Variants in ARHGAP5 observed in about 807,000 individuals in gnomAD.
ARHGAP5 encodes rho GTPase-activating protein 5.
ARHGAP5 carries 23 observed loss-of-function variants against 116.6 expected under a neutral mutation model. That is an observed-to-expected ratio of 0.20 (90% CI 0.14 to 0.28). The LOEUF (loss-of-function observed/expected upper bound fraction) is 0.28, where lower values mean the gene tolerates loss of function less well. Among genes scored for constraint, ARHGAP5 ranks in the 10% least tolerant of loss-of-function variants. ARHGAP5 has a pLI of 1.00. For synonymous variants in ARHGAP5, 574 were observed against 602.0 expected, an observed-to-expected ratio of 0.95 and a Z score of 0.68; for missense variants, 1,405 against 1,774.8, an observed-to-expected ratio of 0.79 and a Z score of 3.74.
At chr14:32,121,518 A>G (rs1879889253) in intron 3 of ARHGAP5, among the ~76,000 whole-genome samples, 1 of 152,158 alleles carries the variant, frequency 6.6e-6, no homozygotes. Flanking sequence ...ATCACCATAC[A>G]TGTTTATAAT....
rs186340738 is a variant in ARHGAP5, at chr14:32,130,986, A to G, written c.3865+13699A>G. Among the ~76,000 whole-genome samples the G allele has an allele frequency of 1.5e-3, 236 of 152,338 alleles. 2 individuals are homozygous for G. Among genetic ancestry groups the G allele is most frequent in the East Asian group, 1.5e-3 (8 of 5,196 alleles). On this transcript the variant is annotated intron_variant, in intron 3 of 6. Coordinates refer to ENST00000345122, the MANE Select transcript of ARHGAP5 (RefSeq NM_001030055.2). ...TTGGGAGGCTGGTGGGAGGTGCTGA[A>G]CAATGTGAAATTCAGTTAAAAACGG...
At chr14:32,150,142 A>G in intron 5 of ARHGAP5, 109 bp downstream of exon 5, 1 of 894,086 alleles carries the variant, frequency 1.1e-6, no homozygotes, top group Non-Finnish European at 1.6e-6. Context: ...AATAAAAATT[A>G]ACTTAACTAG....
chr14:32,153,750 C>T (rs1046451103), intron 6 of ARHGAP5, among the ~76,000 whole-genome samples: 31 of 151,886 alleles, frequency 2.0e-4, no homozygotes, highest in African/African-American at 7.5e-4. Context: ...GGGTTACAGG[C>T]GTGATCTACC....
At position 32,086,553 on chromosome 14, in the gene ARHGAP5, A is replaced by G. The variant is rs1055367200; in HGVS notation, c.-168-3949A>G. ...AAGGATATATTTTAAAGATAGGACC[A>G]TTAGGAATTTCCTGACATGGTATAA... On this transcript the variant is annotated intron_variant, in intron 1 of 6. Coordinates refer to ENST00000345122, the MANE Select transcript of ARHGAP5 (RefSeq NM_001030055.2). 2.1e-4 allele frequency among the ~76,000 whole-genome samples: 31 copies of G among 150,864 alleles called. 1 individual carries two copies. Among genetic ancestry groups the G allele is most frequent in the African/African-American group, 6.7e-4 (27 of 40,160 alleles).
At chr14:32,118,937 A>C (rs1381128057) in intron 3 of ARHGAP5, among the ~76,000 whole-genome samples, 2 of 152,162 alleles carry the variant, frequency 1.3e-5, no homozygotes, top group African/African-American at 2.4e-5. Context: ...GAGGAAAATA[A>C]ATGAATTCCA....
chr14:32,134,434 A>G (rs539647637), intron 3 of ARHGAP5, among the ~76,000 whole-genome samples: 213 of 152,316 alleles, frequency 1.4e-3, no homozygotes, highest in African/African-American at 4.6e-3. Flanking sequence ...AATGTCAAGT[A>G]TCACCGCAAA....
chr14:32,153,406 CAAAAAAAAAAAAAAAAAAAAAAA>C lies in ARHGAP5; in HGVS notation c.4181+896_4181+918del, dbSNP rs771660350. Among the ~76,000 whole-genome samples the C allele has an allele frequency of 1.1e-3, 17 of 15,156 alleles. No homozygotes were observed. In the South Asian group the frequency reaches 0.022, roughly 20 times the overall value. The allele number at this position is 15,156 out of a possible 152,430, so 9.9% of individuals were successfully genotyped here. A position where few individuals can be genotyped will look rare whatever the true frequency, so the allele number is the denominator to read the frequency against. ...TGGCCAACAGAGCAAGACTCTGTCT[CAAAAAAAAAAAAAAAAAAAAAAA>C]AAAAAAAAAAAAAAAAAGATTGTTT... On this transcript the variant is annotated intron_variant, in intron 6 of 6. Coordinates refer to ENST00000345122, the MANE Select transcript of ARHGAP5 (RefSeq NM_001030055.2).
chr14:32,147,207 C>T (rs187989479), intron 4 of ARHGAP5, among the ~76,000 whole-genome samples: 438 of 152,208 alleles, frequency 2.9e-3, no homozygotes, highest in Non-Finnish European at 3.7e-3. Context: ...TTTTTATAGT[C>T]TTAGAGTAAA....
chr14:32,098,238 TAC>T (rs1312831500), intron 2 of ARHGAP5, among the ~76,000 whole-genome samples: 2 of 152,166 alleles, frequency 1.3e-5, no homozygotes, highest in Non-Finnish European at 2.9e-5. Flanking sequence ...GACAGTGTGT[TAC>T]TGGCACACAG....
intron 1 of ARHGAP5, among the ~76,000 whole-genome samples, chr14:32,080,106 T>A (rs1048127573): frequency 2.0e-5 from 3 of 152,018 alleles, no homozygotes; most frequent in Non-Finnish European, 4.4e-5. Flanking sequence ...GGAAAAACCA[T>A]ATTAGAAATT....
At chr14:32,088,616 G>A (rs756180390) in intron 1 of ARHGAP5, among the ~76,000 whole-genome samples, 6 of 151,824 alleles carry the variant, frequency 4.0e-5, no homozygotes, top group Admixed American at 6.6e-5. Context: ...TTTTCAGTTG[G>A]GCCAGATTAA....
intron 3 of ARHGAP5, among the ~76,000 whole-genome samples, chr14:32,145,126 G>A (rs953210894): frequency 1.9e-4 from 29 of 152,342 alleles, no homozygotes; most frequent in African/African-American, 5.8e-4. Flanking sequence ...TGCAAGGTGG[G>A]AGTGGAAGTT....
At position 32,133,617 on chromosome 14, in the gene ARHGAP5, G is replaced by A. The variant is rs1019901082; in HGVS notation, c.3866-12646G>A. ...TGCCCTGGCCAGAACTTCCAACTCCGTGTTGAATAGGAGTGGTGAGAGAGG... is the reference window on the plus strand; with the variant it reads ...TGCCCTGGCCAGAACTTCCAACTCCATGTTGAATAGGAGTGGTGAGAGAGG... On this transcript the variant is annotated intron_variant, in intron 3 of 6. Coordinates refer to ENST00000345122, the MANE Select transcript of ARHGAP5 (RefSeq NM_001030055.2). Among the ~76,000 whole-genome samples, 54 of 152,098 alleles carry A rather than the reference G, an allele frequency of 3.6e-4. No individual in the cohort carries two copies. The South Asian group carries it at 5.0e-3, about 14-fold the overall frequency.
In ARHGAP5 at chr14:32,150,479, AG is replaced by A. The variant is rs1390312692; in HGVS notation, c.4075+449del. Among the ~76,000 whole-genome samples the A allele has an allele frequency of 2.0e-5, 3 of 152,216 alleles. No individual in the cohort carries two copies. The East Asian group carries it at 5.8e-4, about 29-fold the overall frequency. On this transcript the variant is annotated intron_variant, in intron 5 of 6. Transcript: ENST00000345122. ...TACAGTTCTAGAGGCTGGTAAGTTC[AG>A]GGTCAAGGAGGCCTCATCAGGTGAG...
chr14:32,131,385 T>C (rs115627111), intron 3 of ARHGAP5, among the ~76,000 whole-genome samples: 2,039 of 152,198 alleles, frequency 0.013, 39 homozygotes, highest in African/African-American at 0.046. Context: ...AAATGTGTCA[T>C]GTTAACCATT....
At chr14:32,107,036 T>A (rs1879052394) in intron 2 of ARHGAP5, among the ~76,000 whole-genome samples, 1 of 152,234 alleles carries the variant, frequency 6.6e-6, no homozygotes, top group Non-Finnish European at 1.5e-5. Context: ...TGACATTTAA[T>A]CGCATATTAT....
rs547384552 is a variant in ARHGAP5 at position 32,159,232 on chromosome 14, C to T, written c.*4284C>T. On this transcript the variant is annotated 3_prime_UTR_variant, in exon 7 of 7. Transcript: ENST00000345122. ...TACCAGTAGTTAGTAGTATTAAGAC[C>T]TGCAGTATATGCACTTTTTGAGTAG... The T allele has an allele frequency of 6.6e-6, 1 of 152,210 alleles. No individual in the cohort carries two copies. The highest frequency in any genetic ancestry group is 1.9e-4 in the East Asian group (1 of 5,188). 9.4% of individuals were successfully genotyped at this position (152,210 alleles called of 1,614,324 possible). A position where few individuals can be genotyped will look rare whatever the true frequency, so the allele number is the denominator to read the frequency against.
chr14:32,151,982 G>T (rs1324158914), intron 5 of ARHGAP5, among the ~76,000 whole-genome samples: 1 of 152,112 alleles, frequency 6.6e-6, no homozygotes, highest in Non-Finnish European at 1.5e-5. Flanking sequence ...CAACCCCTAG[G>T]CCACACAGCC....
At chr14:32,081,592 G>A (rs2041775109) in intron 1 of ARHGAP5, among the ~76,000 whole-genome samples, 1 of 141,354 alleles carries the variant, frequency 7.1e-6, no homozygotes, top group Non-Finnish European at 1.5e-5. Flanking sequence ...CATCAGTTTT[G>A]TACCTTATGA....
Sources: allele counts gnomAD v4.1 joint callset (sites outside exome capture counted in the v4.1 genomes callset), GRCh38; gene constraint gnomAD v4.1.1; transcripts MANE v1.5; gene names NCBI Gene and HGNC (gene_info 2026-07-23, HGNC 2026-07-21).